Variants in PRKG1 observed in about 807,000 individuals in gnomAD.
PRKG1 encodes the protein protein kinase cGMP-dependent 1.
In PRKG1, 35 loss-of-function variants were observed where a neutral mutation model predicts 88.1. That is an observed-to-expected ratio of 0.40 (90% CI 0.30 to 0.53). PRKG1 has a LOEUF of 0.53. Ranked by LOEUF, PRKG1 falls within the 20% of genes least tolerant of loss-of-function variation. The pLI is 0.59. For missense variants in PRKG1, 540 were observed against 839.8 expected (o/e 0.64, Z 4.41); for synonymous variants, 303 against 292.5 (o/e 1.04, Z -0.37).
At chr10:51,411,917 G>A (rs1036176120) in intron 2 of PRKG1, among the ~76,000 whole-genome samples, 4 of 151,982 alleles carry the variant, frequency 2.6e-5, no homozygotes, top group East Asian at 1.9e-4. Flanking sequence ...GAAAAGTAAC[G>A]GCAGCACTGA....
intron 3 of PRKG1, among the ~76,000 whole-genome samples, chr10:51,706,465 T>A (rs7067915): frequency 0.044 from 6,761 of 152,180 alleles, 511 homozygotes; most frequent in African/African-American, 0.16. Context: ...GGACTTGAGG[T>A]TGAACAGAAC....
chr10:51,263,699 A>G (rs1317218512), intron 2 of PRKG1, among the ~76,000 whole-genome samples: 2 of 152,226 alleles, frequency 1.3e-5, no homozygotes, highest in Non-Finnish European at 2.9e-5. Flanking sequence ...TTTCATTAGT[A>G]TAGTCCATTG....
At chr10:51,113,022 A>G (rs916396734) in intron 1 of PRKG1, among the ~76,000 whole-genome samples, 1 of 152,180 alleles carries the variant, frequency 6.6e-6, no homozygotes, top group African/African-American at 2.4e-5. Context: ...TTCAACAGCT[A>G]CCAAAATCCC....
intron 7 of PRKG1, among the ~76,000 whole-genome samples, chr10:52,132,189 T>C (rs542451219): frequency 7.9e-5 from 12 of 152,274 alleles, no homozygotes; most frequent in African/African-American, 2.9e-4. Flanking sequence ...ATGGAAAAAG[T>C]AATATCATCA....
intron 5 of PRKG1, among the ~76,000 whole-genome samples, chr10:51,948,495 G>A (rs1171558718): frequency 6.6e-6 from 1 of 151,158 alleles, no homozygotes. Flanking sequence ...TGTGATTCAG[G>A]TATTATTTCA....
chr10:52,089,940 G>A (rs1847013173), intron 7 of PRKG1, among the ~76,000 whole-genome samples: 1 of 148,314 alleles, frequency 6.7e-6, no homozygotes, highest in Middle Eastern at 3.6e-3. Flanking sequence ...TCAGCCTCCC[G>A]AGTAGCTGGA....
intron 3 of PRKG1, among the ~76,000 whole-genome samples, chr10:51,711,075 A>G (rs1589223635): frequency 6.6e-6 from 1 of 151,932 alleles, no homozygotes; most frequent in African/African-American, 2.4e-5. Context: ...TGTGTTAATT[A>G]TGTTATTTGA....
At chr10:52,196,754 T>C (rs190066054) in intron 9 of PRKG1, among the ~76,000 whole-genome samples, 1 of 152,264 alleles carries the variant, frequency 6.6e-6, no homozygotes, top group Non-Finnish European at 1.5e-5. Flanking sequence ...ATAATAATTA[T>C]ATAAATAAAA....
chr10:51,658,126 C>A (rs888734888), intron 3 of PRKG1, among the ~76,000 whole-genome samples: 9 of 152,070 alleles, frequency 5.9e-5, no homozygotes, highest in Admixed American at 2.0e-4. Flanking sequence ...TATCTGTTAA[C>A]AGAAACTATC....
At chr10:52,117,186 G>GTGTGTT (rs1847709413) in intron 7 of PRKG1, among the ~76,000 whole-genome samples, 1 of 151,294 alleles carries the variant, frequency 6.6e-6, no homozygotes, top group Non-Finnish European at 1.5e-5. Flanking sequence ...GTGTGTGTGT[G>GTGTGTT]TGTGTGTGTG....
At chr10:51,361,930 CAT>C (rs200471359) in intron 2 of PRKG1, among the ~76,000 whole-genome samples, 3,869 of 151,802 alleles carry the variant, frequency 0.025, 66 homozygotes, top group South Asian at 0.044. Context: ...TTTCTGGAAA[CAT>C]AGCATTATTT....
rs142784154 is a variant in PRKG1, at chr10:52,157,306, G to GATATAT, written c.1002-4556_1002-4551dup. The stretch of plus-strand genomic sequence containing the variant: ...TATATATATTGTGTGTGAGTTAGTT[G>GATATAT]ATATATATATATATATATATATATA... On this transcript the variant is annotated intron_variant, in intron 8 of 17. Transcript: ENST00000373980. 3.0e-3 allele frequency among the ~76,000 whole-genome samples: 381 copies of GATATAT among 125,874 alleles called. 2 individuals are homozygous for GATATAT. Among genetic ancestry groups the GATATAT allele is most frequent in the East Asian group, 0.02 (77 of 3,766 alleles). 82.6% of individuals were successfully genotyped at this position (125,874 alleles called of 152,430 possible).
At chr10:51,088,283 C>T (rs1174089911) in intron 1 of PRKG1, among the ~76,000 whole-genome samples, 2 of 151,874 alleles carry the variant, frequency 1.3e-5, no homozygotes, top group African/African-American at 4.8e-5. Context: ...TGATTTCCCT[C>T]TTTTCCCTTA....
At chr10:51,517,626 T>A (rs771771992) in intron 3 of PRKG1, among the ~76,000 whole-genome samples, 2 of 152,378 alleles carry the variant, frequency 1.3e-5, no homozygotes, top group South Asian at 2.1e-4. Context: ...ATTTAAAGTC[T>A]GTGTCTTATG....
At chr10:51,073,085 A>G (rs1352418593), upstream of PRKG1, among the ~76,000 whole-genome samples, 1 of 152,204 alleles carries the variant, frequency 6.6e-6, no homozygotes, top group Non-Finnish European at 1.5e-5. Flanking sequence ...TGAGTTCGTA[A>G]TGTCTTAAGC....
At chr10:52,171,053 A>T (rs1032756248) in intron 9 of PRKG1, among the ~76,000 whole-genome samples, 1 of 150,126 alleles carries the variant, frequency 6.7e-6, no homozygotes, top group Non-Finnish European at 1.5e-5. Context: ...AAGTTTCTAA[A>T]TGCACACTTG....
At chr10:52,047,214 AGAG>A (rs1191024382) in intron 5 of PRKG1, among the ~76,000 whole-genome samples, 4 of 152,264 alleles carry the variant, frequency 2.6e-5, no homozygotes, top group African/African-American at 9.6e-5. Context: ...ATTTTCTTTT[AGAG>A]GATAGGAAGG....
At chr10:51,209,185 GT>G (rs148580095) in intron 2 of PRKG1, among the ~76,000 whole-genome samples, 82 of 151,452 alleles carry the variant, frequency 5.4e-4, no homozygotes, top group African/African-American at 1.8e-3. Context: ...ACAAAAGCTG[GT>G]TTTTTTTTGT....
intron 3 of PRKG1, among the ~76,000 whole-genome samples, chr10:51,519,703 A>G (rs2132075012): frequency 6.6e-6 from 1 of 152,304 alleles, no homozygotes; most frequent in South Asian, 2.1e-4. Context: ...TCATCCCCTG[A>G]AAGTTTAGTG....
Sources: gnomAD v4.1 joint callset for allele counts (sites outside exome capture counted in the v4.1 genomes callset) on GRCh38, gnomAD v4.1.1 for gene constraint, MANE v1.5 for transcripts, NCBI Gene and HGNC (gene_info 2026-07-23, HGNC 2026-07-21) for gene names.